The following ATP6V1H variants were observed in gnomAD, a reference collection of about 807,000 sequenced individuals.
The protein encoded by ATP6V1H is ATPase H+ transporting V1 subunit H, also known as V-type proton ATPase subunit H.
In ATP6V1H, 39 loss-of-function variants were observed where a neutral mutation model predicts 71.7. The ratio of observed to expected loss-of-function variants is 0.54; its 90% CI spans 0.42 to 0.71. The LOEUF (loss-of-function observed/expected upper bound fraction) is 0.71, where lower values mean the gene tolerates loss of function less well. Among genes scored for constraint, ATP6V1H ranks in the 30% least tolerant of loss-of-function variants. ATP6V1H has a pLI of 0.00. For missense variants in ATP6V1H, 509 were observed against 594.9 expected (o/e 0.86, Z 1.50); for synonymous variants, 192 against 199.3 (o/e 0.96, Z 0.31).
chr8:53,811,854 C>G (rs953515018), intron 6 of ATP6V1H, among the ~76,000 whole-genome samples: 2 of 152,118 alleles, frequency 1.3e-5, no homozygotes, highest in South Asian at 4.1e-4. Flanking sequence ...CCAAGTGCAA[C>G]GCTCCAAACT....
At chr8:53,749,163 A>T (rs147611772) in intron 12 of ATP6V1H, among the ~76,000 whole-genome samples, 12 of 152,222 alleles carry the variant, frequency 7.9e-5, no homozygotes, top group Admixed American at 3.9e-4. Context: ...TGGAAGCATT[A>T]ATATATTCAG....
intron 13 of ATP6V1H, among the ~76,000 whole-genome samples, chr8:53,736,766 G>C (rs1029098244): frequency 1.3e-5 from 2 of 152,176 alleles, no homozygotes; most frequent in African/African-American, 4.8e-5. Flanking sequence ...GATTCTCACA[G>C]GGGGGAATAA....
At chr8:53,791,588 T>C (rs913373742) in intron 9 of ATP6V1H, among the ~76,000 whole-genome samples, 4 of 152,188 alleles carry the variant, frequency 2.6e-5, no homozygotes, top group Non-Finnish European at 4.4e-5. Flanking sequence ...AGAAGATTCT[T>C]TCTTCACTTG....
At chr8:53,836,822 C>T (rs958242506) in intron 2 of ATP6V1H, among the ~76,000 whole-genome samples, 2 of 152,142 alleles carry the variant, frequency 1.3e-5, no homozygotes, top group African/African-American at 4.8e-5. Flanking sequence ...CCCATCAGAA[C>T]AGTTATCTAC....
chr8:53,739,286 T>C (rs1018096916), intron 13 of ATP6V1H, among the ~76,000 whole-genome samples: 22 of 152,238 alleles, frequency 1.4e-4, no homozygotes, highest in African/African-American at 2.4e-5. Context: ...GGTTTTTTTT[T>C]CTTTAGTTCA....
intron 12 of ATP6V1H, among the ~76,000 whole-genome samples, chr8:53,750,366 A>G (rs1305112682): frequency 6.6e-6 from 1 of 152,232 alleles, no homozygotes; most frequent in Non-Finnish European, 1.5e-5. Flanking sequence ...GAAAAACCTG[A>G]TAGTGATCAA....
intron 13 of ATP6V1H, among the ~76,000 whole-genome samples, chr8:53,719,344 T>C (rs773461940): frequency 2.6e-5 from 4 of 152,124 alleles, no homozygotes; most frequent in Admixed American, 6.5e-5. Flanking sequence ...CTAATTTTTG[T>C]ATTTTCAGTA....
chr8:53,778,336 G>C lies in ATP6V1H; in HGVS notation c.871-6169C>G, dbSNP rs533213194. On this transcript the variant is annotated intron_variant, in intron 9 of 13. Coordinates refer to ENST00000359530, the MANE Select transcript of ATP6V1H (RefSeq NM_015941.4). ...AAACATTTATCTTTTCTTTATGTTG[G>C]GAACATTTGAATTATTATCTTCTAG... 2.3e-3 allele frequency among the ~76,000 whole-genome samples: 352 copies of C among 152,044 alleles called. 1 individual carries two copies. The highest frequency in any genetic ancestry group is 8.0e-3 in the African/African-American group (332 of 41,486).
At chr8:53,775,091 C>T (rs767413291) in intron 9 of ATP6V1H, among the ~76,000 whole-genome samples, 10 of 152,150 alleles carry the variant, frequency 6.6e-5, no homozygotes, top group Non-Finnish European at 1.2e-4. Context: ...CAGATGTGTT[C>T]GGAGTTTCTT....
intron 12 of ATP6V1H, among the ~76,000 whole-genome samples, chr8:53,754,516 A>T (rs1459717431): frequency 2.0e-5 from 3 of 152,204 alleles, no homozygotes; most frequent in Non-Finnish European, 4.4e-5. Context: ...AAACAAATGG[A>T]ACGAATCATC....
chr8:53,779,958 A>C (rs1408061636), intron 9 of ATP6V1H, among the ~76,000 whole-genome samples: 1 of 152,166 alleles, frequency 6.6e-6, no homozygotes, highest in Admixed American at 6.5e-5. Flanking sequence ...CAGGGGTTCT[A>C]GACCAGCCTG....
At chr8:53,718,384 A>ATTTTTTT (rs35145366) in intron 13 of ATP6V1H, among the ~76,000 whole-genome samples, 2 of 121,792 alleles carry the variant, frequency 1.6e-5, no homozygotes, top group East Asian at 2.5e-4. Context: ...CTCCTACACA[A>ATTTTTTT]TTTTTTTTTT....
chr8:53,726,695 T>C (rs1040503475), intron 13 of ATP6V1H, among the ~76,000 whole-genome samples: 2 of 152,208 alleles, frequency 1.3e-5, no homozygotes, highest in African/African-American at 2.4e-5. Flanking sequence ...ACTGTAGAGA[T>C]GTGTAAAGAT....
intron 9 of ATP6V1H, among the ~76,000 whole-genome samples, chr8:53,790,437 T>C (rs567339906): frequency 1.3e-5 from 2 of 152,284 alleles, no homozygotes; most frequent in South Asian, 2.1e-4. Flanking sequence ...CAGCCCTTTA[T>C]ACAGTCACAA....
At chr8:53,817,114 T>C (rs949607251) in intron 5 of ATP6V1H, among the ~76,000 whole-genome samples, 2 of 152,166 alleles carry the variant, frequency 1.3e-5, no homozygotes, top group South Asian at 2.1e-4. Context: ...GACAGGTTAC[T>C]ATGTCATAAA....
chr8:53,794,405 GC>G (rs1809664133), intron 9 of ATP6V1H, among the ~76,000 whole-genome samples: 1 of 151,732 alleles, frequency 6.6e-6, no homozygotes. Context: ...TCACTCTGTC[GC>G]CCAGGCTGGA....
At chr8:53,727,953 C>T (rs1806873789) in intron 13 of ATP6V1H, among the ~76,000 whole-genome samples, 7 of 152,150 alleles carry the variant, frequency 4.6e-5, no homozygotes, top group Admixed American at 3.9e-4. Flanking sequence ...AGTCCTGTCA[C>T]TTCCATATTT....
intron 11 of ATP6V1H, among the ~76,000 whole-genome samples, chr8:53,759,870 T>A (rs1053249389): frequency 1.3e-5 from 2 of 152,258 alleles, no homozygotes; most frequent in Non-Finnish European, 2.9e-5. Context: ...TTATACTTGC[T>A]AAGTGTGGAA....
intron 9 of ATP6V1H, among the ~76,000 whole-genome samples, chr8:53,772,920 A>AC (rs1808722112): frequency 6.7e-6 from 1 of 148,286 alleles, no homozygotes; most frequent in Non-Finnish European, 1.5e-5. Context: ...AAAAAAAAAA[A>AC]AACAAAACAG....
Sources: gnomAD v4.1 joint callset for allele counts (sites outside exome capture counted in the v4.1 genomes callset) on GRCh38, gnomAD v4.1.1 for gene constraint, MANE v1.5 for transcripts, NCBI Gene and HGNC (gene_info 2026-07-23, HGNC 2026-07-21) for gene names.